Variants in CNOT2 observed in about 807,000 individuals in gnomAD.
CNOT2 encodes CC chemokine receptor 4-negative regulator of transcription 2.
In CNOT2, 7 loss-of-function variants were observed where a neutral mutation model predicts 72.1. The observed-to-expected ratio is 0.10, with a 90% CI of 0.06 to 0.18. CNOT2 has a LOEUF of 0.18. Among genes scored for constraint, CNOT2 ranks in the 10% least tolerant of loss-of-function variants. The pLI, the probability that CNOT2 is intolerant of heterozygous loss-of-function variation, is 1.00. For synonymous variants in CNOT2, 196 were observed against 225.6 expected (o/e 0.87, Z 1.17); for missense variants, 345 against 660.3 (o/e 0.52, Z 5.23).
At chr12:70,310,567 CTAAACT>C (rs1565798424) in intron 2 of CNOT2, among the ~76,000 whole-genome samples, 1 of 151,874 alleles carries the variant, frequency 6.6e-6, no homozygotes, top group Non-Finnish European at 1.5e-5. Flanking sequence ...ATAATTAAAC[CTAAACT>C]TAATTTTTAA....
intron 3 of CNOT2, among the ~76,000 whole-genome samples, chr12:70,314,616 A>C (rs1877007168): frequency 6.6e-6 from 1 of 152,176 alleles, no homozygotes; most frequent in Non-Finnish European, 1.5e-5. Flanking sequence ...TTTTAACAAA[A>C]AATTTGAGGC....
chr12:70,348,052 T>A (rs1439200134), intron 15 of CNOT2: 3 of 152,184 alleles, frequency 2.0e-5, no homozygotes, highest in Non-Finnish European at 4.4e-5. Context: ...TGAGGTGAGA[T>A]TTTCCTCTAA....
chr12:70,308,584 T>TCTCTCTCTCACACA (rs550679130), intron 2 of CNOT2, among the ~76,000 whole-genome samples: 12 of 133,238 alleles, frequency 9.0e-5, no homozygotes, highest in Admixed American at 4.4e-4. Flanking sequence ...TCTCTCTCTC[T>TCTCTCTCTCACACA]CACACACACA....
chr12:70,320,178 T>A (rs2135987887), intron 4 of CNOT2, among the ~76,000 whole-genome samples: 1 of 151,760 alleles, frequency 6.6e-6, no homozygotes, highest in Middle Eastern at 3.4e-3. Context: ...TGTTATAAAT[T>A]CCCATCAGAC....
At chr12:70,275,895 CAG>C (rs1477385118) in intron 1 of CNOT2, among the ~76,000 whole-genome samples, 4 of 151,948 alleles carry the variant, frequency 2.6e-5, no homozygotes, top group Non-Finnish European at 5.9e-5. Context: ...ATAGTGGTGA[CAG>C]ATGTTAACTT....
intron 2 of CNOT2, among the ~76,000 whole-genome samples, chr12:70,302,129 C>T (rs1435741350): frequency 1.3e-5 from 2 of 152,030 alleles, no homozygotes; most frequent in Admixed American, 6.6e-5. Flanking sequence ...ATCTTGCTAG[C>T]GGTCTATCAA....
chr12:70,310,492 A>G (rs1334883993), intron 2 of CNOT2, among the ~76,000 whole-genome samples: 3 of 152,092 alleles, frequency 2.0e-5, no homozygotes, highest in Non-Finnish European at 4.4e-5. Flanking sequence ...TTGGGAAAAC[A>G]GATAACTGAG....
At chr12:70,291,181 C>T (rs552678105) in intron 2 of CNOT2, among the ~76,000 whole-genome samples, 2 of 152,174 alleles carry the variant, frequency 1.3e-5, no homozygotes, top group Admixed American at 1.3e-4. Context: ...ATTTTCTCAG[C>T]TGTCAGGTAA....
At chr12:70,315,182 T>TA (rs2135969787) in intron 3 of CNOT2, among the ~76,000 whole-genome samples, 1 of 152,158 alleles carries the variant, frequency 6.6e-6, no homozygotes, top group East Asian at 1.9e-4. Context: ...TTTAATGTAT[T>TA]ACCTTCTCAT....
chr12:70,325,510 G>T (rs189691423), intron 4 of CNOT2, among the ~76,000 whole-genome samples: 2 of 151,834 alleles, frequency 1.3e-5, no homozygotes, highest in Non-Finnish European at 2.9e-5. Context: ...TGTCTTTAAT[G>T]CCTCATTACT....
intron 1 of CNOT2, among the ~76,000 whole-genome samples, chr12:70,276,008 C>T (rs1868722710): frequency 6.6e-6 from 1 of 151,832 alleles, no homozygotes; most frequent in South Asian, 2.1e-4. Flanking sequence ...AATATTAGCT[C>T]CCACATTGAT....
At chr12:70,268,614 T>A (rs910459331) in intron 1 of CNOT2, among the ~76,000 whole-genome samples, 1 of 149,240 alleles carries the variant, frequency 6.7e-6, no homozygotes, top group Non-Finnish European at 1.5e-5. Context: ...CACGCTCAGC[T>A]TATTTAAAAA....
At chr12:70,275,434 C>T (rs1164082469) in intron 1 of CNOT2, among the ~76,000 whole-genome samples, 2 of 151,996 alleles carry the variant, frequency 1.3e-5, no homozygotes, top group Non-Finnish European at 2.9e-5. Context: ...CCAGTTTCCC[C>T]TCCTTGTGCT....
At chr12:70,287,501 C>T (rs1793579755) in intron 2 of CNOT2, among the ~76,000 whole-genome samples, 1 of 149,298 alleles carries the variant, frequency 6.7e-6, no homozygotes, top group African/African-American at 2.4e-5. Context: ...CATATAATTC[C>T]ATTTTGGTTC....
intron 2 of CNOT2, among the ~76,000 whole-genome samples, chr12:70,310,538 A>G (rs917258663): frequency 6.6e-6 from 1 of 152,110 alleles, no homozygotes; most frequent in Admixed American, 6.6e-5. Context: ...AATGTGGAAG[A>G]TGCATGTGAA....
chr12:70,252,080 G>A (rs1278309458), intron 1 of CNOT2, among the ~76,000 whole-genome samples: 1 of 152,160 alleles, frequency 6.6e-6, no homozygotes, highest in Non-Finnish European at 1.5e-5. Flanking sequence ...TAGGTTGCTA[G>A]CATTATCTGT....
In CNOT2 at chr12:70,337,866, T is replaced by G. The variant is rs533967559; in HGVS notation, c.900+353T>G. On this transcript the variant is annotated intron_variant, in intron 9 of 15. Transcript: ENST00000229195. ...ATTTATACACATTTTTATACCTGTG[T>G]TGATTCAACCAACTCAGCTTCTTCT... 7.8e-4 allele frequency: 327 copies of G among 416,870 alleles called. 4 individuals carry two copies. Among genetic ancestry groups the G allele is most frequent in the South Asian group, 5.7e-3 (315 of 55,670 alleles). 25.8% of individuals were successfully genotyped at this position (416,870 alleles called of 1,614,324 possible). A position where few individuals can be genotyped will look rare whatever the true frequency, so the allele number is the denominator to read the frequency against.
chr12:70,266,871 C>T (rs1320374084), intron 1 of CNOT2, among the ~76,000 whole-genome samples: 3 of 151,838 alleles, frequency 2.0e-5, no homozygotes, highest in Non-Finnish European at 4.4e-5. Context: ...TTTTGACAAT[C>T]TCATTCTTTT....
intron 2 of CNOT2, among the ~76,000 whole-genome samples, chr12:70,301,067 T>A (rs141279117): frequency 0.095 from 14,532 of 152,244 alleles, 896 homozygotes; most frequent in Middle Eastern, 0.19. Context: ...TGCACATTGA[T>A]CTTGTATCCC....
Sources: allele counts gnomAD v4.1 joint callset (sites outside exome capture counted in the v4.1 genomes callset), GRCh38; gene constraint gnomAD v4.1.1; transcripts MANE v1.5; gene names NCBI Gene and HGNC (gene_info 2026-07-23, HGNC 2026-07-21).